NFIB: variants seen among roughly 807,000 people sequenced by gnomAD.
NFIB encodes the protein nuclear factor 1 B-type.
NFIB carries 11 observed loss-of-function variants against 61.5 expected under a neutral mutation model. That is an observed-to-expected ratio of 0.18 (90% CI 0.11 to 0.30). The LOEUF (loss-of-function observed/expected upper bound fraction) is 0.30. Among genes scored for constraint, NFIB ranks in the 10% least tolerant of loss-of-function variants. The pLI, the probability that NFIB is intolerant of heterozygous loss-of-function variation, is 1.00. For synonymous variants in NFIB, 260 were observed against 216.5 expected (o/e 1.20, Z -1.76); for missense variants, 471 against 608.9 (o/e 0.77, Z 2.38).
chr9:14,258,420 GGCCTGCTCTCCCA>G (rs1419752269), intron 2 of NFIB, among the ~76,000 whole-genome samples: 1 of 152,206 alleles, frequency 6.6e-6, no homozygotes, highest in Non-Finnish European at 1.5e-5. Flanking sequence ...TGCCTTTCCA[GGCCTGCTCTCCCA>G]GCCAGAACTT....
the NFIB span, among the ~76,000 whole-genome samples, chr9:14,523,791 G>C: frequency 6.6e-6 from 1 of 152,052 alleles, no homozygotes; most frequent in South Asian, 2.1e-4. Context: ...AGGGTGACAG[G>C]TCCGTCTGCT....
intron 2 of NFIB, among the ~76,000 whole-genome samples, chr9:14,202,771 G>A (rs959047994): frequency 2.6e-5 from 4 of 152,114 alleles, no homozygotes. Context: ...GGATTGTGAT[G>A]TCATATTTCT....
chr9:14,347,615 C>G (rs1342617320), intron 1 of NFIB, among the ~76,000 whole-genome samples: 1 of 110,710 alleles, frequency 9.0e-6, no homozygotes, highest in East Asian at 2.2e-4. Flanking sequence ...GAAGGAGTGG[C>G]CAGCTCCCTA....
chr9:14,261,774 A>G (rs1490775429), intron 2 of NFIB, among the ~76,000 whole-genome samples: 5 of 152,204 alleles, frequency 3.3e-5, no homozygotes, highest in African/African-American at 1.2e-4. Flanking sequence ...GTTTGTGACA[A>G]ATGTCTGTCC....
Position 14,150,125 on chromosome 9 carries a change from A to G in NFIB, c.806+20T>C. The G allele has an allele frequency of 6.2e-7, 1 of 1,612,892 alleles. No homozygotes were observed. Among genetic ancestry groups the G allele is most frequent in the East Asian group, 2.2e-5 (1 of 44,844 alleles). On this transcript the variant is annotated intron_variant, in intron 5 of 10. Coordinates refer to ENST00000380953, the MANE Select transcript of NFIB (RefSeq NM_001190737.2). The stretch of plus-strand genomic sequence containing the variant: ...TATGTGTGTATCACTTGAGAATATG[A>G]GCAGCCCTTCTTTCAGTACCTGCTT...
the NFIB span, among the ~76,000 whole-genome samples, chr9:14,415,274 G>C: frequency 6.6e-6 from 1 of 152,134 alleles, no homozygotes; most frequent in Non-Finnish European, 1.5e-5. Context: ...TTCTCATCAT[G>C]ACCACTTACT....
At chr9:14,121,191 T>TAGAC (rs1472986183) in intron 7 of NFIB, among the ~76,000 whole-genome samples, 1 of 152,028 alleles carries the variant, frequency 6.6e-6, no homozygotes, top group Non-Finnish European at 1.5e-5. Context: ...TTGAATCCAG[T>TAGAC]AGACGGAGGT....
chr9:14,370,652 G>A (rs1448240640), intron 1 of NFIB, among the ~76,000 whole-genome samples: 2 of 152,206 alleles, frequency 1.3e-5, no homozygotes, highest in Non-Finnish European at 2.9e-5. Flanking sequence ...AGGATCACAC[G>A]ACACTGGAAC....
chr9:14,164,080 A>T (rs2044500041), intron 3 of NFIB, among the ~76,000 whole-genome samples: 1 of 151,932 alleles, frequency 6.6e-6, no homozygotes, highest in South Asian at 2.1e-4. Context: ...AAAAAGATGA[A>T]ATTAAACATA....
the NFIB span, among the ~76,000 whole-genome samples, chr9:14,428,408 C>T: frequency 6.6e-6 from 1 of 152,040 alleles, no homozygotes; most frequent in Non-Finnish European, 1.5e-5. Context: ...TGGCTCAGGT[C>T]GGAGCCTGAA....
chr9:14,265,878 A>AAGT (rs1447133635), intron 2 of NFIB, among the ~76,000 whole-genome samples: 2 of 152,198 alleles, frequency 1.3e-5, no homozygotes, highest in African/African-American at 2.4e-5. Flanking sequence ...GGGAAGTAGA[A>AAGT]AGTACTACAA....
chr9:14,329,040 T>A (rs572107630), intron 1 of NFIB, among the ~76,000 whole-genome samples: 2 of 152,340 alleles, frequency 1.3e-5, no homozygotes, highest in Admixed American at 6.5e-5. Flanking sequence ...AGATGGGGCT[T>A]GGTCTCCACA....
chr9:14,485,436 G>A, the NFIB span, among the ~76,000 whole-genome samples: 1 of 152,216 alleles, frequency 6.6e-6, no homozygotes, highest in African/African-American at 2.4e-5. Context: ...ATAAGAAGGT[G>A]TATCAGTCTT....
At chr9:14,440,780 C>T in the NFIB span, among the ~76,000 whole-genome samples, 3 of 152,172 alleles carry the variant, frequency 2.0e-5, no homozygotes, top group Admixed American at 6.5e-5. Context: ...TTTCATTCTG[C>T]TTTGTTCATG....
chr9:14,522,242 G>A, the NFIB span, among the ~76,000 whole-genome samples: 4 of 152,134 alleles, frequency 2.6e-5, no homozygotes, highest in South Asian at 6.2e-4. Flanking sequence ...TAGCTCTGTT[G>A]GCTTTTTTCC....
In NFIB at chr9:14,179,761, A is replaced by G. The variant is rs1337309445; in HGVS notation, c.582T>C (p.Ser194=). The G allele has an allele frequency of 6.2e-7, 1 of 1,613,370 alleles. No individual in the cohort carries two copies. Residue 194 remains serine (S), a synonymous_variant, in exon 3 of 11, where the codon AGT becomes AGC. Transcript: ENST00000380953. ...TCTTGGCAGGATCATTGTGGCTTGGACTTCCTGATTGTCCAGAATCTGTAA... is the reference window on the plus strand; with the variant it reads ...TCTTGGCAGGATCATTGTGGCTTGGGCTTCCTGATTGTCCAGAATCTGTAA... The part of the protein sequence containing the change: ...VQEQDSGQSG[S]PSHNDPAKNP...
intron 2 of NFIB, among the ~76,000 whole-genome samples, chr9:14,289,242 A>T (rs574776178): frequency 1.4e-5 from 2 of 145,952 alleles, no homozygotes; most frequent in South Asian, 4.4e-4. Flanking sequence ...ATATATATGC[A>T]TACACATACA....
the NFIB span, among the ~76,000 whole-genome samples, chr9:14,448,292 G>C: frequency 6.6e-6 from 1 of 152,136 alleles, no homozygotes; most frequent in Non-Finnish European, 1.5e-5. Flanking sequence ...ATGCTTCCTG[G>C]AAGATTTTTC....
intron 2 of NFIB, among the ~76,000 whole-genome samples, chr9:14,231,139 TATATATA>T (rs2053141430): frequency 9.2e-6 from 1 of 109,104 alleles, no homozygotes; most frequent in Non-Finnish European, 1.8e-5. Context: ...AAAAAAAATA[TATATATA>T]TATATATATA....
Sources: gnomAD v4.1 joint callset for allele counts (sites outside exome capture counted in the v4.1 genomes callset) on GRCh38, gnomAD v4.1.1 for gene constraint, MANE v1.5 for transcripts, NCBI Gene and HGNC (gene_info 2026-07-23, HGNC 2026-07-21) for gene names.